ATP13A2: variants seen among roughly 807,000 people sequenced by gnomAD.
ATP13A2 encodes the protein polyamine-transporting ATPase 13A2.
A neutral mutation model predicts 138.3 loss-of-function variants in ATP13A2; 83 were observed. The observed-to-expected ratio is 0.60, with a 90% CI of 0.50 to 0.72. The LOEUF is 0.72. Ranked by LOEUF, ATP13A2 falls within the 30% of genes least tolerant of loss-of-function variation. The pLI is 0.00. For missense variants in ATP13A2, 1,402 were observed against 1,606.4 expected, an observed-to-expected ratio of 0.87 and a Z score of 2.17; for synonymous variants, 663 against 699.0, an observed-to-expected ratio of 0.95 and a Z score of 0.81.
At chr1:17,005,869 T>C in intron 1 of ATP13A2, 91 bp from the exon 2 acceptor site, 2 of 1,275,382 alleles carry the variant, frequency 1.6e-6, no homozygotes, top group South Asian at 1.3e-5. Context: ...GCGCGGTGGC[T>C]CACGCCTGTA....
rs1224824118 is a variant in ATP13A2, at chr1:17,004,219, C to A, written c.557+113G>T. 1.3e-5 allele frequency: 15 copies of A among 1,147,234 alleles called. No individual in the cohort carries two copies. Among genetic ancestry groups the A allele is most frequent in the Non-Finnish European group, 1.9e-5 (15 of 780,192 alleles). The allele number at this position is 1,147,234 out of a possible 1,614,324, so 71.1% of individuals were successfully genotyped here. ...TCAGTAACCTGCCCAAGGTTTCAGA[C>A]AGCAAAAGCATCAGAGCTGAGAGGG... On this transcript the variant is annotated intron_variant, in intron 6 of 28. Transcript: ENST00000326735. This position sits in a 1 kb window ranked among gnomAD's most constrained non-coding sequence, Gnocchi z 4.1.
intron 12 of ATP13A2, 107 bp downstream of exon 12, chr1:16,996,913 G>A (rs2077147677): frequency 7.2e-7 from 1 of 1,386,418 alleles, no homozygotes; most frequent in South Asian, 1.2e-5. Context: ...GGCAGCAGCA[G>A]AGGTGGGCGT....
At chr1:16,997,259 A>G (rs1480257272) in intron 11 of ATP13A2, 84 bp from the exon 12 acceptor site, 15 of 1,540,210 alleles carry the variant, frequency 9.7e-6, no homozygotes, top group Non-Finnish European at 1.3e-5. Flanking sequence ...ATTGTCCCAC[A>G]AGCTCTAAGT....
In ATP13A2 at chr1:16,986,809, G is replaced by A. The variant is rs1200285969; in HGVS notation, c.3231C>T (p.Thr1077=). 2 of 1,613,116 alleles carry A rather than the reference G, an allele frequency of 1.2e-6. No homozygotes were observed. The highest frequency in any genetic ancestry group is 1.7e-5 in the Admixed American group (1 of 59,924). Residue 1077 remains threonine (T), a synonymous_variant, in exon 27 of 29, where the codon ACC becomes ACT. Coordinates refer to ENST00000326735, the MANE Select transcript of ATP13A2 (RefSeq NM_022089.4). This position sits in a 1 kb window ranked among gnomAD's most constrained non-coding sequence, Gnocchi z 6.9. ...CGCCCGCGCCCGCAGTGGCACCATT[G>A]GTGTAGAGCGGCCGGCGGAAGGGCG... ...KGAPFRRPLY[T]NVPFLVALAL...
rs780679925 is a variant in ATP13A2 at position 16,997,152 on chromosome 1, T to C, written c.1063A>G (p.Thr355Ala). 8.1e-6 allele frequency: 13 copies of C among 1,613,434 alleles called. No individual in the cohort carries two copies. In the African/African-American group the frequency reaches 1.7e-4, roughly 22 times the overall value. ...LTGESIPVLK[T>A]ALPEGLGPYC... is the part of the protein sequence containing the mutation. The stretch of plus-strand genomic sequence containing the variant: ...GGCCCCAGCCCCTCCGGCAGTGCCG[T>C]CTTCAGCACTGGAATGCTCTCTCCT... Residue 355 changes from threonine (T) to alanine (A), a missense_variant, in exon 12 of 29, where the codon ACG becomes GCG. Thr to Ala is a moderately conservative substitution (Grantham distance 58, BLOSUM62 0). Coordinates refer to ENST00000326735, the MANE Select transcript of ATP13A2 (RefSeq NM_022089.4).
Position 17,004,815 on chromosome 1 carries a change from C to T in ATP13A2, c.354G>A (p.Glu118=). 1 of 1,613,906 alleles carries T rather than the reference C, an allele frequency of 6.2e-7. No homozygotes were observed. Among genetic ancestry groups the T allele is most frequent in the Non-Finnish European group, 8.5e-7 (1 of 1,180,028 alleles). The change falls in exon 5 of 29, where the codon GAG becomes GAA. Residue 118 remains glutamate (E), a synonymous_variant. Transcript: ENST00000326735. This position sits in a 1 kb window ranked among gnomAD's most constrained non-coding sequence, Gnocchi z 4.1. ...QTEAIGEGSL[E]PSPQSQAEDG... Reference sequence around the variant, plus strand: ...CCTCTGCCTGGGACTGTGGGGACGGCTCCAGGCTGGGGAAGCAGGTGAGGG... The same window carrying T: ...CCTCTGCCTGGGACTGTGGGGACGGTTCCAGGCTGGGGAAGCAGGTGAGGG...
At chr1:17,009,302 G>A (rs533374648) in intron 1 of ATP13A2, among the ~76,000 whole-genome samples, 1 of 151,802 alleles carries the variant, frequency 6.6e-6, no homozygotes, top group African/African-American at 2.4e-5. Context: ...CCGACTGACT[G>A]AATGAATGAA....
chr1:17,003,585 CCACACACACACACACACACACA>C (rs540533484), intron 6 of ATP13A2, among the ~76,000 whole-genome samples: 2 of 133,056 alleles, frequency 1.5e-5, no homozygotes, highest in South Asian at 2.4e-4. Context: ...ACCAAAAAAA[CCACACACACACACACACACACA>C]CACACACACA....
Position 16,986,409 on chromosome 1 carries a change from A to C in ATP13A2, c.3406-51T>G. On this transcript the variant is annotated intron_variant, in intron 28 of 28. Transcript: ENST00000326735. The surrounding 1 kb of genome is among the most constrained non-coding windows in gnomAD (Gnocchi z 6.9). ...GGGCAGCCGGGGCTGAGCTGGGGTC[A>C]ATGCACCCCCACCTCCCTTCTCTCC... 6.2e-7 allele frequency: 1 copy of C among 1,602,382 alleles called. No individual in the cohort carries two copies. The highest frequency in any genetic ancestry group is 8.5e-7 in the Non-Finnish European group (1 of 1,176,860).
chr1:16,997,414 C>CGGCGGG (rs1424418496), intron 11 of ATP13A2, among the ~76,000 whole-genome samples: 49 of 56,542 alleles, frequency 8.7e-4, no homozygotes, highest in Admixed American at 1.7e-3. Context: ...CTGGAACCAG[C>CGGCGGG]GGGGGGGGGT....
intron 23 of ATP13A2, among the ~76,000 whole-genome samples, chr1:16,989,396 A>G (rs1408174742): frequency 6.6e-6 from 1 of 152,122 alleles, no homozygotes; most frequent in Non-Finnish European, 1.5e-5. Flanking sequence ...TTTTAATAAG[A>G]GATGGGGTCT....
intron 7 of ATP13A2, 23 bp from the exon 8 acceptor site, chr1:17,002,126 G>A (rs774316771): frequency 6.2e-7 from 1 of 1,610,664 alleles, no homozygotes. Context: ...ATGAGGCCAA[G>A]CCATCAGAAG....
chr1:17,011,825 G>A lies in ATP13A2; in HGVS notation c.-87C>T. On this transcript the variant is annotated 5_prime_UTR_variant, in exon 1 of 29. Coordinates refer to ENST00000326735, the MANE Select transcript of ATP13A2 (RefSeq NM_022089.4). This position sits in a 1 kb window ranked among gnomAD's most constrained non-coding sequence, Gnocchi z 7.3. ...GCGCAAGGCCCTGGGCGGGGGCGCGGTCCGGACGGCCCGGGGCGAGGGGCG... is the reference window on the plus strand; with the variant it reads ...GCGCAAGGCCCTGGGCGGGGGCGCGATCCGGACGGCCCGGGGCGAGGGGCG... 9.0e-7 allele frequency: 1 copy of A among 1,111,836 alleles called. No homozygotes were observed. The allele number at this position is 1,111,836 out of a possible 1,614,324, so 68.9% of individuals were successfully genotyped here.
Position 17,004,525 on chromosome 1 carries a change from CAG to C in ATP13A2, c.478-116_478-115del. ...GGGGGCAGGGACTGGTGTCACCAGA[CAG>C]AGAGGTGGGGAGAGGCCTGAAAGTG... On this transcript the variant is annotated intron_variant, in intron 5 of 28. Coordinates refer to ENST00000326735, the MANE Select transcript of ATP13A2 (RefSeq NM_022089.4). The surrounding 1 kb of genome is among the most constrained non-coding windows in gnomAD (Gnocchi z 4.1). The C allele has an allele frequency of 6.5e-7, 1 of 1,534,360 alleles. No homozygotes were observed. The highest frequency in any genetic ancestry group is 8.9e-7 in the Non-Finnish European group (1 of 1,120,130).
chr1:17,001,672 AG>A (rs1230176130), intron 8 of ATP13A2, among the ~76,000 whole-genome samples: 1 of 152,202 alleles, frequency 6.6e-6, no homozygotes, highest in Non-Finnish European at 1.5e-5. Flanking sequence ...GTGCAGTCCC[AG>A]GCCCAACCCA....
Position 16,986,381 on chromosome 1 carries a change from CA to C in ATP13A2, c.3406-24del. 2.5e-6 allele frequency: 4 copies of C among 1,588,780 alleles called. No homozygotes were observed. The highest frequency in any genetic ancestry group is 2.6e-6 in the Non-Finnish European group (3 of 1,170,728). ...GCTCTGCAAAGGGCAGGGAGGGTGTCAGGGGCAGCCGGGGCTGAGCTGGGGT... is the reference window on the plus strand; with the variant it reads ...GCTCTGCAAAGGGCAGGGAGGGTGTCGGGGCAGCCGGGGCTGAGCTGGGGT... On this transcript the variant is annotated intron_variant, in intron 28 of 28. Coordinates refer to ENST00000326735, the MANE Select transcript of ATP13A2 (RefSeq NM_022089.4). This position sits in a 1 kb window ranked among gnomAD's most constrained non-coding sequence, Gnocchi z 6.9.
In ATP13A2 at chr1:16,987,266, T is replaced by C. The variant is rs764321431; in HGVS notation, c.2863A>G (p.Asn955Asp). 1.2e-6 allele frequency: 2 copies of C among 1,613,368 alleles called. No individual in the cohort carries two copies. The highest frequency in any genetic ancestry group is 2.7e-5 in the African/African-American group (2 of 74,808). The change falls in exon 26 of 29, where the codon AAC becomes GAC. Residue 955 changes from asparagine (N) to aspartate (D), a missense_variant. Asn to Asp is a conservative substitution (Grantham distance 23, BLOSUM62 1). Coordinates refer to ENST00000326735, the MANE Select transcript of ATP13A2 (RefSeq NM_022089.4). ...AACTGCAGGTCACCCAGGTTGGTGT[T>C]GATCTGCCACAGGGAAGGGAGGACA... ...FISVLILYTI[N>D]TNLGDLQFLA...
In ATP13A2 at chr1:16,986,612, C is replaced by T. The variant is rs761814059; in HGVS notation, c.3256G>A (p.Ala1086Thr). The change falls in exon 28 of 29, where the codon GCG (alanine) becomes ACG (threonine). Residue 1086 changes from alanine (A) to threonine (T), a missense_variant. Physicochemically the swap from Ala to Thr is moderately conservative, Grantham distance 58. Coordinates refer to ENST00000326735, the MANE Select transcript of ATP13A2 (RefSeq NM_022089.4). This position sits in a 1 kb window ranked among gnomAD's most constrained non-coding sequence, Gnocchi z 6.9. ...YTNVPFLVALALLSSVLVGLV... is the reference protein window; with the variant it reads ...YTNVPFLVALTLLSSVLVGLV... The stretch of plus-strand genomic sequence containing the variant: ...CCCACCAGGACGGAGCTCAGGAGCG[C>T]CAGGGCCACCAGGAAGGGCACTGGG... 4 of 1,609,518 alleles carry T rather than the reference C, an allele frequency of 2.5e-6. No homozygotes were observed. Among genetic ancestry groups the T allele is most frequent in the Admixed American group, 3.3e-5 (2 of 59,774 alleles).
chr1:17,000,194 G>GACCCC, intron 10 of ATP13A2, 52 bp from the exon 11 acceptor site: 17 of 1,570,254 alleles, frequency 1.1e-5, no homozygotes, highest in South Asian at 5.7e-5. Context: ...CCCCAGCCAT[G>GACCCC]CCCCCCCACC....
Sources: allele counts gnomAD v4.1 joint callset (sites outside exome capture counted in the v4.1 genomes callset), GRCh38; gene constraint gnomAD v4.1.1; non-coding constraint Gnocchi (gnomAD v3.1); transcripts MANE v1.5; gene names NCBI Gene and HGNC (gene_info 2026-07-23, HGNC 2026-07-21).